Variants in CSMD2 observed in about 807,000 individuals in gnomAD.
The protein encoded by CSMD2 is CUB and sushi domain-containing protein 2.
Under a neutral mutation model 398.5 loss-of-function variants are expected in CSMD2, and 130 were observed. That is an observed-to-expected ratio of 0.33 (90% confidence interval 0.28 to 0.38). The LOEUF is 0.38. Among genes scored for constraint, CSMD2 ranks in the 10% least tolerant of loss-of-function variants. The pLI, the probability that CSMD2 is intolerant of heterozygous loss-of-function variation, is 1.00. For missense variants in CSMD2, 3,829 were observed against 4,764.9 expected (o/e 0.80, Z 5.78); for synonymous variants, 1,828 against 1,908.5 (o/e 0.96, Z 1.10).
rs375598825 is a variant in CSMD2, at chr1:33,788,674, G to T, written c.1589C>A (p.Thr530Asn). 8.1e-6 allele frequency: 13 copies of T among 1,613,906 alleles called. No individual in the cohort carries two copies. In the Admixed American group the frequency reaches 1.5e-4, roughly 19 times the overall value. The change falls in exon 12 of 71, where the codon ACC becomes AAC. Residue 530 changes from threonine (T) to asparagine (N), a missense_variant. Thr to Asn is a moderately conservative substitution (Grantham distance 65). Around this residue, in one of 5 missense-constraint regions of CSMD2, gnomAD observed 2,001 missense variants for 2,567.1 expected, o/e 0.78. Coordinates refer to ENST00000373381, the MANE Select transcript of CSMD2 (RefSeq NM_001281956.2). ...GTSVPDLIVSTNHQMWLLFQT... is the reference protein window; with the variant it reads ...GTSVPDLIVSNNHQMWLLFQT... ...GAAGAGGAGCCACATTTGATGATTG[G>T]TGCTGACAATGAGATCCGGGACCGA...
At chr1:33,724,150 C>T (rs1646447195) in intron 19 of CSMD2, 47 bp downstream of exon 19, 20 of 1,399,502 alleles carry the variant, frequency 1.4e-5, no homozygotes, top group East Asian at 4.6e-5. Context: ...AACTTGGGTC[C>T]CTGACCTCGT....
chr1:33,887,868 TAATC>T (rs1641706462), intron 5 of CSMD2, among the ~76,000 whole-genome samples: 2 of 152,068 alleles, frequency 1.3e-5, no homozygotes, highest in South Asian at 4.1e-4. Context: ...AAATCTAAAA[TAATC>T]AACTTTAAAA....
intron 22 of CSMD2, among the ~76,000 whole-genome samples, chr1:33,701,954 G>A (rs114477448): frequency 5.6e-4 from 85 of 152,260 alleles, no homozygotes; most frequent in African/African-American, 1.6e-3. Flanking sequence ...TTTAATAAAA[G>A]ATATACCATC....
intron 19 of CSMD2, among the ~76,000 whole-genome samples, chr1:33,717,463 A>G (rs1271439432): frequency 6.6e-6 from 1 of 151,938 alleles, no homozygotes; most frequent in Non-Finnish European, 1.5e-5. Context: ...CAAAGGAGAA[A>G]TAACATGACA....
chr1:33,875,896 G>T (rs762857742), intron 5 of CSMD2, among the ~76,000 whole-genome samples: 2 of 152,122 alleles, frequency 1.3e-5, no homozygotes, highest in Non-Finnish European at 2.9e-5. Flanking sequence ...TCTTGTTTTT[G>T]TCTTCATCTA....
intron 3 of CSMD2, among the ~76,000 whole-genome samples, chr1:34,028,270 CG>C (rs1438610999): frequency 2.6e-5 from 4 of 152,178 alleles, no homozygotes; most frequent in Admixed American, 6.5e-5. Flanking sequence ...GAGCTGAGAT[CG>C]TGCCACTGGA....
At chr1:33,783,511 G>A (rs138419993) in intron 12 of CSMD2, among the ~76,000 whole-genome samples, 5 of 150,066 alleles carry the variant, frequency 3.3e-5, no homozygotes, top group African/African-American at 1.2e-4. Flanking sequence ...CCCATGCAAG[G>A]CCATGGTGAG....
Position 33,633,577 on chromosome 1 carries a change from G to A in CSMD2, c.5087-42C>T. Reference sequence around the variant, plus strand: ...GTGTGGGGACTGGGCAGGCACGCTGGGGGCAGGAGAGGGGATCTAGGGGTC... The same window carrying A: ...GTGTGGGGACTGGGCAGGCACGCTGAGGGCAGGAGAGGGGATCTAGGGGTC... On this transcript the variant is annotated intron_variant, in intron 31 of 70. Transcript: ENST00000373381. This position sits in a 1 kb window ranked among gnomAD's most constrained non-coding sequence, Gnocchi z 5.0. The A allele has an allele frequency of 1.4e-6, 2 of 1,460,572 alleles. No homozygotes were observed. The highest frequency in any genetic ancestry group is 1.2e-5 in the South Asian group (1 of 82,148). The allele number at this position is 1,460,572 out of a possible 1,614,324, so 90.5% of individuals were successfully genotyped here.
At position 33,616,949 on chromosome 1, in the gene CSMD2, G is replaced by A. The variant is rs200149093; in HGVS notation, c.5973C>T (p.Pro1991=). The part of the protein sequence containing the change: ...LQGHAHISCM[P]GTVRRWNYPP... ...GGTAGTTCCATCGCCGCACTGTTCC[G>A]GGCATGCAGGAGATGTGGGCGTGGC... Residue 1991 remains proline (P), a synonymous_variant, in exon 39 of 71, where the codon CCC becomes CCT. Coordinates refer to ENST00000373381, the MANE Select transcript of CSMD2 (RefSeq NM_001281956.2). 42 of 1,614,026 alleles carry A rather than the reference G, an allele frequency of 2.6e-5. No individual in the cohort carries two copies. Among genetic ancestry groups the A allele is most frequent in the Admixed American group, 1.2e-4 (7 of 60,006 alleles).
At chr1:33,994,615 T>C (rs1646668202) in intron 3 of CSMD2, among the ~76,000 whole-genome samples, 1 of 152,152 alleles carries the variant, frequency 6.6e-6, no homozygotes. Flanking sequence ...ATTCCATAAA[T>C]ATTCATCTTA....
chr1:34,165,530 T>G (rs538512590), upstream of CSMD2, among the ~76,000 whole-genome samples: 13 of 152,216 alleles, frequency 8.5e-5, no homozygotes, highest in East Asian at 2.3e-3. Flanking sequence ...TTCTTTTAAG[T>G]TCAGTCCTCC....
chr1:34,034,242 G>T (rs1650826811), intron 2 of CSMD2, among the ~76,000 whole-genome samples: 1 of 152,060 alleles, frequency 6.6e-6, no homozygotes, highest in Non-Finnish European at 1.5e-5. Context: ...ATGGAGTTCT[G>T]ATGGTACTCC....
intron 41 of CSMD2, 134 bp from the exon 42 acceptor site, chr1:33,605,604 T>C: frequency 1.1e-6 from 1 of 922,530 alleles, no homozygotes; most frequent in Non-Finnish European, 1.6e-6. Context: ...TGGCTTTGGG[T>C]AAGTAATTTA....
intron 3 of CSMD2, among the ~76,000 whole-genome samples, chr1:33,991,477 C>T (rs766294286): frequency 1.3e-5 from 2 of 152,118 alleles, no homozygotes; most frequent in Non-Finnish European, 2.9e-5. Context: ...ATTCTTCCAT[C>T]GAAATTGAGA....
intron 3 of CSMD2, among the ~76,000 whole-genome samples, chr1:33,985,256 C>A (rs939078306): frequency 6.6e-6 from 1 of 152,186 alleles, no homozygotes; most frequent in Non-Finnish European, 1.5e-5. Context: ...CCCCACCCCT[C>A]CCTGGGAAGT....
chr1:33,875,523 G>T (rs1250363967), intron 5 of CSMD2: 1 of 152,258 alleles, frequency 6.6e-6, no homozygotes, highest in Non-Finnish European at 1.5e-5. Context: ...GAACAAAGTT[G>T]GGTTTGCTGA....
Position 33,598,757 on chromosome 1 carries a change from C to T in CSMD2, c.6856+2108G>A, listed in dbSNP as rs192583187. 23 of 150,740 alleles carry T rather than the reference C, an allele frequency of 1.5e-4. 2 individuals are homozygous for T. The East Asian group carries it at 1.6e-3, about 10-fold the overall frequency. 9.3% of individuals were successfully genotyped at this position (150,740 alleles called of 1,614,324 possible). On this transcript the variant is annotated intron_variant, in intron 44 of 70. Coordinates refer to ENST00000373381, the MANE Select transcript of CSMD2 (RefSeq NM_001281956.2). ...CGTGATCTTGGCTCACTGCAACCTC[C>T]GCCTCCCAGGTTCAACCGATTCTTC...
chr1:33,918,120 G>T lies in CSMD2; in HGVS notation c.894C>A (p.Val298=). 6.2e-7 allele frequency: 1 copy of T among 1,613,972 alleles called. No individual in the cohort carries two copies. The highest frequency in any genetic ancestry group is 1.1e-5 in the South Asian group (1 of 91,068). Residue 298 remains valine (V), a synonymous_variant, in exon 5 of 71, where the codon GTC becomes GTA. Transcript: ENST00000373381. ...QLEDGYDFLE[V]TGTEGSSLWF... is the part of the protein sequence containing the mutation. ...AGAGGGAGGAGCCTTCTGTCCCAGT[G>T]ACTTCCAGAAAGTCGTAACCATCCT...
intron 19 of CSMD2, among the ~76,000 whole-genome samples, chr1:33,721,202 C>T (rs1224123466): frequency 6.6e-6 from 1 of 152,136 alleles, no homozygotes; most frequent in African/African-American, 2.4e-5. Context: ...CTGGGCTGGG[C>T]TTGGGATGTT....
Sources: allele counts gnomAD v4.1 joint callset (sites outside exome capture counted in the v4.1 genomes callset), GRCh38; gene constraint gnomAD v4.1.1; regional missense constraint gnomAD v4.1.1; non-coding constraint Gnocchi (gnomAD v3.1); transcripts MANE v1.5; gene names NCBI Gene and HGNC (gene_info 2026-07-23, HGNC 2026-07-21).